Variants in RANBP2 observed in about 807,000 individuals in gnomAD.
RANBP2 encodes RAN binding protein 2, also known as E3 SUMO-protein ligase RanBP2.
RANBP2 carries 57 observed loss-of-function variants against 303.6 expected under a neutral mutation model. The observed-to-expected ratio is 0.19, with a 90% confidence interval of 0.15 to 0.23. The LOEUF (loss-of-function observed/expected upper bound fraction) is 0.23, where lower values mean the gene tolerates loss of function less well. Ranked by LOEUF, RANBP2 falls within the 10% of genes least tolerant of loss-of-function variation. The pLI is 1.00. For synonymous variants in RANBP2, 1,167 were observed against 1,301.5 expected (o/e 0.90, Z 2.23); for missense variants, 3,138 against 3,780.8 (o/e 0.83, Z 4.46).
the RANBP2 span, among the ~76,000 whole-genome samples, chr2:109,462,046 G>A: frequency 2.0e-5 from 3 of 151,840 alleles, no homozygotes; most frequent in African/African-American, 7.3e-5. Context: ...TTTCACTGAG[G>A]TAGAAGGCCT....
At chr2:109,573,846 A>G in the RANBP2 span, among the ~76,000 whole-genome samples, 44 of 152,322 alleles carry the variant, frequency 2.9e-4, no homozygotes, top group African/African-American at 1.0e-3. Context: ...TGGCTTGGAA[A>G]TTCAAAAATA....
the RANBP2 span, among the ~76,000 whole-genome samples, chr2:109,014,921 A>C: frequency 6.6e-6 from 1 of 152,092 alleles, no homozygotes; most frequent in Non-Finnish European, 1.5e-5. Flanking sequence ...GGAGATCGAG[A>C]CCATCCTGGC....
At chr2:108,760,883 A>G (rs1346037419) in intron 18 of RANBP2, among the ~76,000 whole-genome samples, 1 of 152,148 alleles carries the variant, frequency 6.6e-6, no homozygotes, top group Non-Finnish European at 1.5e-5. Context: ...TGACCTGAAC[A>G]TTCTCATAAT....
chr2:109,035,494 C>T, the RANBP2 span, among the ~76,000 whole-genome samples: 4 of 151,968 alleles, frequency 2.6e-5, no homozygotes, highest in South Asian at 4.2e-4. Context: ...CCACCCCACC[C>T]CGCCCTTACC....
At chr2:109,097,485 A>T in the RANBP2 span, among the ~76,000 whole-genome samples, 1 of 152,206 alleles carries the variant, frequency 6.6e-6, no homozygotes, top group Non-Finnish European at 1.5e-5. Context: ...TCAAGGAGAT[A>T]GTCTTTCAGA....
chr2:109,046,268 C>T, the RANBP2 span, among the ~76,000 whole-genome samples: 18 of 147,082 alleles, frequency 1.2e-4, no homozygotes, highest in East Asian at 2.2e-3. Context: ...TGTGCCACTG[C>T]ACTCCAGCCT....
At chr2:108,843,880 T>TGTGTGTG in the RANBP2 span, among the ~76,000 whole-genome samples, 39 of 94,114 alleles carry the variant, frequency 4.1e-4, no homozygotes, top group African/African-American at 2.1e-3. Context: ...GTGTGTGTGT[T>TGTGTGTG]TCTTTCTTTT....
the RANBP2 span, among the ~76,000 whole-genome samples, chr2:109,288,616 T>G: frequency 6.6e-6 from 1 of 152,216 alleles, no homozygotes; most frequent in Non-Finnish European, 1.5e-5. Flanking sequence ...ACTGGGATTT[T>G]TGCAAGGCAA....
chr2:109,030,202 C>G, the RANBP2 span, among the ~76,000 whole-genome samples: 1 of 152,312 alleles, frequency 6.6e-6, no homozygotes, highest in East Asian at 1.9e-4. Context: ...CAGCCTTTTC[C>G]TCAATCCTCC....
chr2:109,113,611 T>C, the RANBP2 span, among the ~76,000 whole-genome samples: 23 of 152,332 alleles, frequency 1.5e-4, no homozygotes, highest in East Asian at 1.5e-3. Flanking sequence ...CTTTTCCTCA[T>C]TGAATACCCT....
the RANBP2 span, among the ~76,000 whole-genome samples, chr2:109,465,647 GT>G: frequency 6.6e-6 from 1 of 152,174 alleles, no homozygotes; most frequent in Non-Finnish European, 1.5e-5. Context: ...AAGAAAAGAG[GT>G]TTAATTGGTT....
chr2:109,417,632 C>T, the RANBP2 span, among the ~76,000 whole-genome samples: 1 of 152,164 alleles, frequency 6.6e-6, no homozygotes, highest in Non-Finnish European at 1.5e-5. Context: ...ACAGTGTCTG[C>T]ATTGCAATGG....
At chr2:109,643,184 T>G in the RANBP2 span, among the ~76,000 whole-genome samples, 2 of 127,250 alleles carry the variant, frequency 1.6e-5, no homozygotes, top group African/African-American at 2.5e-5. Context: ...AGCAAAACTC[T>G]TTTCAAAAGA....
the RANBP2 span, among the ~76,000 whole-genome samples, chr2:109,580,502 T>C: frequency 6.6e-6 from 1 of 151,912 alleles, no homozygotes; most frequent in Non-Finnish European, 1.5e-5. Context: ...GCAAGCATGG[T>C]ACATGGTAAA....
chr2:109,032,824 T>C, the RANBP2 span, among the ~76,000 whole-genome samples: 5 of 152,212 alleles, frequency 3.3e-5, no homozygotes, highest in Admixed American at 3.3e-4. Flanking sequence ...TGAGGAGCAA[T>C]CGCCTAATTC....
At position 108,731,316 on chromosome 2, in the gene RANBP2, T is replaced by C. The variant is rs1466553794; in HGVS notation, c.253-6T>C. The C allele has an allele frequency of 2.5e-6, 4 of 1,610,668 alleles. No individual in the cohort carries two copies. The South Asian group carries it at 4.4e-5, about 18-fold the overall frequency. ...TACTAATCTTTAATTTCTTTTCTGA[T>C]ATTAGCGTTCAGTGGAATTAAACCC... On this transcript the variant is annotated splice_region_variant and splice_polypyrimidine_tract_variant and intron_variant, in intron 3 of 28. Transcript: ENST00000283195.
At chr2:109,362,508 C>T in the RANBP2 span, among the ~76,000 whole-genome samples, 4 of 152,040 alleles carry the variant, frequency 2.6e-5, no homozygotes, top group African/African-American at 9.7e-5. Flanking sequence ...GTGAATGTTC[C>T]CTGTGGGCTT....
At chr2:109,504,785 C>T in the RANBP2 span, among the ~76,000 whole-genome samples, 1 of 152,148 alleles carries the variant, frequency 6.6e-6, no homozygotes, top group Non-Finnish European at 1.5e-5. Context: ...GTGGGGTGCA[C>T]CGAATCTGTA....
chr2:109,220,780 G>A, the RANBP2 span, among the ~76,000 whole-genome samples: 3 of 152,224 alleles, frequency 2.0e-5, no homozygotes, highest in Non-Finnish European at 4.4e-5. Flanking sequence ...GGGTTAGGAT[G>A]TGGAGAAATT....
Sources: gnomAD v4.1 joint callset for allele counts (sites outside exome capture counted in the v4.1 genomes callset) on GRCh38, gnomAD v4.1.1 for gene constraint, MANE v1.5 for transcripts, NCBI Gene and HGNC (gene_info 2026-07-23, HGNC 2026-07-21) for gene names.